The following CAMTA1 variants were observed in gnomAD, a reference collection of about 807,000 sequenced individuals.
The protein encoded by CAMTA1 is calmodulin-binding transcription activator 1.
Under a neutral mutation model 170.9 loss-of-function variants are expected in CAMTA1, and 27 were observed. The observed-to-expected ratio is 0.16, with a 90% CI of 0.12 to 0.22. CAMTA1 has a LOEUF of 0.22. CAMTA1 is among the 10% of genes least tolerant of loss of function. The pLI, the probability that CAMTA1 is intolerant of heterozygous loss-of-function variation, is 1.00. For synonymous variants in CAMTA1, 833 were observed against 891.5 expected (o/e 0.93, Z 1.17); for missense variants, 1,619 against 2,217.2 (o/e 0.73, Z 5.42).
chr1:7,664,636 G>A lies in CAMTA1; in HGVS notation c.2089G>A (p.Ala697Thr). The change falls in exon 9 of 23, where the codon GCG becomes ACG. Residue 697 changes from alanine (A) to threonine (T), a missense_variant. By Grantham distance (58) the Ala-to-Thr change is moderately conservative. This residue lies in a region of CAMTA1 where 731 missense variants were observed against 907.6 expected (regional missense o/e 0.81). Transcript: ENST00000303635. ...GGAGGTCACCATGGAGACCTCGCAGGCGGCGGAAGGGAGCGAGGTCCTGCT... is the reference window on the plus strand; with the variant it reads ...GGAGGTCACCATGGAGACCTCGCAGACGGCGGAAGGGAGCGAGGTCCTGCT... Reference protein sequence around the residue: ...EGEVTMETSQAAEGSEVLLKS... With the variant: ...EGEVTMETSQTAEGSEVLLKS... 6.2e-7 allele frequency: 1 copy of A among 1,607,540 alleles called. No individual in the cohort carries two copies. Among genetic ancestry groups the A allele is most frequent in the South Asian group, 1.1e-5 (1 of 90,998 alleles).
At chr1:7,626,276 C>T (rs1261426958) in intron 6 of CAMTA1, among the ~76,000 whole-genome samples, 11 of 152,326 alleles carry the variant, frequency 7.2e-5, no homozygotes, top group East Asian at 1.9e-4. Context: ...GCTGCCTCCA[C>T]GGCCAGCCCA....
intron 21 of CAMTA1, among the ~76,000 whole-genome samples, chr1:7,754,238 C>A (rs989708977): frequency 6.6e-6 from 1 of 152,216 alleles, no homozygotes; most frequent in South Asian, 2.1e-4. Flanking sequence ...GTGGTTAATA[C>A]TTTCCAGATA....
chr1:7,606,954 G>A (rs115195349), intron 6 of CAMTA1, among the ~76,000 whole-genome samples: 2,109 of 152,348 alleles, frequency 0.014, 54 homozygotes, highest in African/African-American at 0.047. Context: ...GTCTGCCTCA[G>A]CACCAGGAGA....
intron 4 of CAMTA1, among the ~76,000 whole-genome samples, chr1:7,124,762 G>A (rs942034148): frequency 6.6e-6 from 1 of 152,260 alleles, no homozygotes; most frequent in Non-Finnish European, 1.5e-5. Context: ...CTTAGTAGGT[G>A]TGCATGGGAC....
At chr1:7,762,457 G>A (rs1199346032) in intron 22 of CAMTA1, among the ~76,000 whole-genome samples, 2 of 152,112 alleles carry the variant, frequency 1.3e-5, no homozygotes, top group South Asian at 2.1e-4. Flanking sequence ...AATCACTTTG[G>A]TGATATAATT....
At chr1:7,467,767 C>G in intron 5 of CAMTA1, 63 bp from the exon 6 acceptor site, 29 of 1,398,378 alleles carry the variant, frequency 2.1e-5, no homozygotes, top group Non-Finnish European at 2.5e-5. Context: ...TCTGTTGCGC[C>G]GTCTTCCTTC....
chr1:7,413,851 G>A (rs1190685734), intron 5 of CAMTA1, among the ~76,000 whole-genome samples: 2 of 152,154 alleles, frequency 1.3e-5, no homozygotes, highest in Admixed American at 6.5e-5. Flanking sequence ...CAAAGGGAAT[G>A]CTTCCAGTTT....
chr1:7,301,497 G>A (rs560667232), intron 5 of CAMTA1, among the ~76,000 whole-genome samples: 4 of 152,268 alleles, frequency 2.6e-5, no homozygotes, highest in South Asian at 2.1e-4. Flanking sequence ...CGTGGGGCCC[G>A]GGGAGGATCC....
chr1:6,805,314 T>G (rs1163724249), intron 1 of CAMTA1, among the ~76,000 whole-genome samples: 1 of 152,216 alleles, frequency 6.6e-6, no homozygotes, highest in African/African-American at 2.4e-5. Flanking sequence ...TATTAGCCAT[T>G]TGTATGTCTG....
At chr1:7,755,849 G>A (rs1192365258) in intron 22 of CAMTA1, among the ~76,000 whole-genome samples, 181 bp downstream of exon 22, 1 of 152,186 alleles carries the variant, frequency 6.6e-6, no homozygotes, top group African/African-American at 2.4e-5. Flanking sequence ...TATGACAGGA[G>A]AACAGTCACA....
chr1:6,909,302 G>A (rs1451763039), intron 3 of CAMTA1, among the ~76,000 whole-genome samples: 1 of 152,206 alleles, frequency 6.6e-6, no homozygotes, highest in Admixed American at 6.5e-5. Flanking sequence ...GATACAGTAT[G>A]TCTGAATTAC....
At chr1:7,138,239 G>T (rs186145163) in intron 4 of CAMTA1, among the ~76,000 whole-genome samples, 1 of 152,184 alleles carries the variant, frequency 6.6e-6, no homozygotes, top group South Asian at 2.1e-4. Context: ...CAATCCTCCC[G>T]CCTTGGCCTC....
At position 7,011,534 on chromosome 1, in the gene CAMTA1, C is replaced by T. The variant is rs1264538504; in HGVS notation, c.235-79770C>T. Among the ~76,000 whole-genome samples the T allele has an allele frequency of 7.9e-5, 12 of 152,094 alleles. No homozygotes were observed. The Middle Eastern group carries it at 0.01, about 129-fold the overall frequency. On this transcript the variant is annotated intron_variant, in intron 3 of 22. Coordinates refer to ENST00000303635, the MANE Select transcript of CAMTA1 (RefSeq NM_015215.4). ...CCTTCCCCCCATGCCATGAACATGGCGGGGGGGCCCTCTCCTCATTCCAGA... is the reference window on the plus strand; with the variant it reads ...CCTTCCCCCCATGCCATGAACATGGTGGGGGGGCCCTCTCCTCATTCCAGA...
At chr1:7,483,301 AT>A (rs2093567131) in intron 6 of CAMTA1, among the ~76,000 whole-genome samples, 1 of 152,200 alleles carries the variant, frequency 6.6e-6, no homozygotes, top group Non-Finnish European at 1.5e-5. Flanking sequence ...TAAGATGCAA[AT>A]TCTGCATTAA....
At chr1:6,980,858 A>C (rs369462966) in intron 3 of CAMTA1, among the ~76,000 whole-genome samples, 2 of 152,194 alleles carry the variant, frequency 1.3e-5, no homozygotes, top group Non-Finnish European at 2.9e-5. Flanking sequence ...AGTCTTGGGT[A>C]TGTCTTTATT....
At chr1:7,508,344 A>G (rs1267125998) in intron 6 of CAMTA1, among the ~76,000 whole-genome samples, 2 of 152,164 alleles carry the variant, frequency 1.3e-5, no homozygotes, top group Non-Finnish European at 2.9e-5. Flanking sequence ...AGGCCCCTGG[A>G]AGCTGGGACG....
chr1:7,709,299 G>T (rs569046180), intron 11 of CAMTA1, among the ~76,000 whole-genome samples: 2 of 152,166 alleles, frequency 1.3e-5, no homozygotes, highest in East Asian at 1.9e-4. Context: ...CTGTTAGTTG[G>T]CAAAGAAGTT....
intron 1 of CAMTA1, among the ~76,000 whole-genome samples, chr1:6,812,343 A>G (rs983410893): frequency 1.3e-5 from 2 of 152,148 alleles, no homozygotes; most frequent in Non-Finnish European, 2.9e-5. Context: ...AATAGGCTTA[A>G]TGTGTGCTTT....
At chr1:7,079,461 T>G (rs1639729388) in intron 3 of CAMTA1, among the ~76,000 whole-genome samples, 1 of 148,798 alleles carries the variant, frequency 6.7e-6, no homozygotes, top group African/African-American at 2.5e-5. Flanking sequence ...TTCTTCAAAT[T>G]AGTGATAAAG....
Sources: gnomAD v4.1 joint callset for allele counts (sites outside exome capture counted in the v4.1 genomes callset) on GRCh38, gnomAD v4.1.1 for gene constraint, gnomAD v4.1.1 regional missense constraint, MANE v1.5 for transcripts, NCBI Gene and HGNC (gene_info 2026-07-23, HGNC 2026-07-21) for gene names.